SLC8A1: variants seen among roughly 807,000 people sequenced by gnomAD.
SLC8A1 encodes sodium/calcium exchanger 1.
SLC8A1 carries 18 observed loss-of-function variants against 68.3 expected under a neutral mutation model. The ratio of observed to expected loss-of-function variants is 0.26; its 90% CI spans 0.18 to 0.39. The LOEUF is 0.39. SLC8A1 is among the 10% of genes least tolerant of loss of function. SLC8A1 has a pLI of 1.00. For synonymous variants in SLC8A1, 475 were observed against 415.5 expected, an observed-to-expected ratio of 1.14 and a Z score of -1.74; for missense variants, 985 against 1,156.7, an observed-to-expected ratio of 0.85 and a Z score of 2.15.
chr2:40,118,020 C>G (rs1245861674), intron 7 of SLC8A1, among the ~76,000 whole-genome samples: 2 of 152,186 alleles, frequency 1.3e-5, no homozygotes, highest in African/African-American at 4.8e-5. Context: ...AAAAGCAGAT[C>G]TGATTATTAT....
chr2:40,146,204 G>A (rs1247874634), intron 6 of SLC8A1, among the ~76,000 whole-genome samples: 1 of 152,152 alleles, frequency 6.6e-6, no homozygotes, highest in Non-Finnish European at 1.5e-5. Flanking sequence ...CAACTGAAAC[G>A]TGGGTCTTAG....
At chr2:40,171,224 G>C (rs1282237221) in intron 4 of SLC8A1, among the ~76,000 whole-genome samples, 2 of 152,154 alleles carry the variant, frequency 1.3e-5, no homozygotes, top group African/African-American at 4.8e-5. Flanking sequence ...TGTTCCTCCA[G>C]CCTACAGACT....
At chr2:40,256,781 C>T (rs1426653163) in intron 2 of SLC8A1, among the ~76,000 whole-genome samples, 2 of 152,148 alleles carry the variant, frequency 1.3e-5, no homozygotes, top group African/African-American at 4.8e-5. Context: ...TGCAGGATGC[C>T]TGAGGCCAAG....
intron 2 of SLC8A1, among the ~76,000 whole-genome samples, chr2:40,186,503 T>C (rs2050726571): frequency 6.6e-6 from 1 of 152,164 alleles, no homozygotes; most frequent in African/African-American, 2.4e-5. Context: ...CTAGTAAACA[T>C]TTCAAGTGGA....
chr2:40,421,463 G>C (rs1419841761), intron 2 of SLC8A1, among the ~76,000 whole-genome samples: 1 of 152,034 alleles, frequency 6.6e-6, no homozygotes, highest in Non-Finnish European at 1.5e-5. Context: ...GAATACCTAG[G>C]ACCCCAGATA....
intron 4 of SLC8A1, among the ~76,000 whole-genome samples, chr2:40,174,208 T>A (rs2048055453): frequency 6.6e-6 from 1 of 152,052 alleles, no homozygotes; most frequent in Non-Finnish European, 1.5e-5. Flanking sequence ...ATATTATGTA[T>A]TATAAATTAT....
At position 40,099,644 on chromosome 2, in the gene SLC8A1, A is replaced by G. The variant is rs997542029; in HGVS notation, c.*15609T>C. On this transcript the variant is annotated 3_prime_UTR_variant, in exon 8 of 8. Transcript: ENST00000406785. Reference sequence around the variant, plus strand: ...GCTATTCTTCCCTTTTTTGCCCTGTATAGGAAATTCATGATCACCTCTTAG... The same window carrying G: ...GCTATTCTTCCCTTTTTTGCCCTGTGTAGGAAATTCATGATCACCTCTTAG... 5 of 151,902 alleles carry G rather than the reference A, an allele frequency of 3.3e-5. No individual in the cohort carries two copies. In the South Asian group the frequency reaches 6.2e-4, roughly 19 times the overall value. 9.4% of individuals were successfully genotyped at this position (151,902 alleles called of 1,614,324 possible). A position where few individuals can be genotyped will look rare whatever the true frequency, so the allele number is the denominator to read the frequency against.
chr2:40,421,391 T>A lies in SLC8A1; in HGVS notation c.1808+7082A>T, dbSNP rs148794504. 2.0e-3 allele frequency among the ~76,000 whole-genome samples: 309 copies of A among 152,222 alleles called. 2 individuals carry two copies. Among genetic ancestry groups the A allele is most frequent in the African/African-American group, 7.1e-3 (294 of 41,532 alleles). ...CGATCCTCCTAAGCCCATCTTTATC[T>A]CAGGAAATTTGTCATGGAAAAATGG... On this transcript the variant is annotated intron_variant, in intron 2 of 7. Transcript: ENST00000406785.
At chr2:40,251,626 A>G (rs1246818708) in intron 2 of SLC8A1, 1 of 152,150 alleles carries the variant, frequency 6.6e-6, no homozygotes. Flanking sequence ...TGTGCAAGGT[A>G]GTCTTACAGG....
intron 6 of SLC8A1, among the ~76,000 whole-genome samples, chr2:40,160,221 G>A (rs1215743207): frequency 1.3e-5 from 2 of 152,132 alleles, no homozygotes; most frequent in African/African-American, 4.8e-5. Flanking sequence ...ACTTCATTTT[G>A]TAGGAACTTC....
chr2:40,328,592 C>T lies in SLC8A1; in HGVS notation c.1808+99881G>A, dbSNP rs573356976. On this transcript the variant is annotated intron_variant, in intron 2 of 7. Coordinates refer to ENST00000406785, the Ensembl canonical transcript of SLC8A1. ...ATTCTCATTTTTGTTCGCATACATA[C>T]ATTTTCCACTGCCTCTTACAGCAGT... Among the ~76,000 whole-genome samples the T allele has an allele frequency of 1.4e-4, 21 of 152,272 alleles. No homozygotes were observed. The South Asian group carries it at 3.1e-3, about 23-fold the overall frequency.
At chr2:40,278,204 C>T (rs71439291) in intron 2 of SLC8A1, among the ~76,000 whole-genome samples, 25,058 of 152,020 alleles carry the variant, frequency 0.16, 2,327 homozygotes, top group East Asian at 0.43. Flanking sequence ...GGTGCAGGGG[C>T]TCACACCTGT....
At chr2:40,256,171 A>C (rs2063884681) in intron 2 of SLC8A1, among the ~76,000 whole-genome samples, 1 of 152,224 alleles carries the variant, frequency 6.6e-6, no homozygotes, top group Non-Finnish European at 1.5e-5. Flanking sequence ...TGAGTCCTAA[A>C]ATGAACATCC....
At chr2:40,210,838 G>C (rs547834266) in intron 2 of SLC8A1, among the ~76,000 whole-genome samples, 1 of 152,090 alleles carries the variant, frequency 6.6e-6, no homozygotes, top group Non-Finnish European at 1.5e-5. Flanking sequence ...TTCTTGGAAG[G>C]CCTGTTGACC....
At chr2:40,237,857 C>G (rs1333325412) in intron 2 of SLC8A1, among the ~76,000 whole-genome samples, 1 of 152,126 alleles carries the variant, frequency 6.6e-6, no homozygotes, top group Non-Finnish European at 1.5e-5. Flanking sequence ...TGTTGGAATA[C>G]CCTGCCATGG....
intron 2 of SLC8A1, among the ~76,000 whole-genome samples, chr2:40,183,445 CATT>C (rs1364548484): frequency 1.3e-5 from 2 of 152,170 alleles, no homozygotes; most frequent in African/African-American, 4.8e-5. Flanking sequence ...AAAGTTAAAT[CATT>C]GAGGAGATAA....
intron 1 of SLC8A1, among the ~76,000 whole-genome samples, chr2:40,457,904 A>G (rs1703115658): frequency 6.6e-6 from 1 of 152,224 alleles, no homozygotes; most frequent in Admixed American, 6.5e-5. Flanking sequence ...CAGACTGAGA[A>G]AGAAAGTACA....
chr2:40,139,359 ACTT>A, intron 7 of SLC8A1, 39 bp downstream of exon 10: 2 of 1,604,748 alleles, frequency 1.2e-6, no homozygotes, highest in Non-Finnish European at 1.7e-6. Context: ...AGGCAAATGA[ACTT>A]CTGCTACTGG....
At chr2:40,141,421 T>C (rs1023331066) in intron 6 of SLC8A1, among the ~76,000 whole-genome samples, 2 of 152,226 alleles carry the variant, frequency 1.3e-5, no homozygotes, top group South Asian at 2.1e-4. Context: ...GTTGGAATTA[T>C]ATGAATACAC....
Sources: gnomAD v4.1 joint callset for allele counts (sites outside exome capture counted in the v4.1 genomes callset) on GRCh38, gnomAD v4.1.1 for gene constraint, MANE v1.5 for transcripts, NCBI Gene and HGNC (gene_info 2026-07-23, HGNC 2026-07-21) for gene names.